ADGRD1: variants seen among roughly 807,000 people sequenced by gnomAD.
ADGRD1 encodes the protein G-protein coupled receptor 133.
A neutral mutation model predicts 113.4 loss-of-function variants in ADGRD1; 77 were observed. That is an observed-to-expected ratio of 0.68 (90% CI 0.57 to 0.82). The LOEUF is 0.82. Ranked by LOEUF, ADGRD1 falls within the 40% of genes least tolerant of loss-of-function variation. The pLI, the probability that ADGRD1 is intolerant of heterozygous loss-of-function variation, is 0.00. For synonymous variants in ADGRD1, 474 were observed against 475.0 expected (o/e 1.00, Z 0.03); for missense variants, 1,036 against 1,139.1 (o/e 0.91, Z 1.30).
At position 131,126,915 on chromosome 12, in the gene ADGRD1, AG is replaced by A. The variant is rs533463121; in HGVS notation, c.2176-4804del. Among the ~76,000 whole-genome samples, 34 of 152,226 alleles carry A rather than the reference AG, an allele frequency of 2.2e-4. 1 individual carries two copies. The highest frequency in any genetic ancestry group is 6.8e-3 in the Middle Eastern group (2 of 294). On this transcript the variant is annotated intron_variant, in intron 20 of 24. Coordinates refer to ENST00000261654, the MANE Select transcript of ADGRD1 (RefSeq NM_198827.5). ...GGATGAGGATGAGTGAAATGGAGTG[AG>A]GGGGGCCAGGCCTGATTCTGTATTA...
intron 13 of ADGRD1, among the ~76,000 whole-genome samples, chr12:131,046,207 C>A (rs1566061610): frequency 1.3e-5 from 2 of 148,258 alleles, no homozygotes; most frequent in Non-Finnish European, 3.0e-5. Flanking sequence ...AGTGCTCCCT[C>A]CCTGGTCAGT....
chr12:131,079,801 C>G (rs1450983207), intron 14 of ADGRD1, among the ~76,000 whole-genome samples: 3 of 152,090 alleles, frequency 2.0e-5, no homozygotes, highest in South Asian at 2.1e-4. Flanking sequence ...CTTTTTCATG[C>G]CTGAAGGGTC....
Position 131,104,924 on chromosome 12 carries a change from G to T in ADGRD1, c.1765G>T (p.Ala589Ser), listed in dbSNP as rs201161291. 6.5e-7 allele frequency: 1 copy of T among 1,549,732 alleles called. No homozygotes were observed. ...CCTGGTGGCCACGCTGGTCACCTTC[G>T]CCGTGCTGTCGTGAGTCCCCTTTTC... ...LCLVATLVTF[A>S]VLSSVSTIRN... Residue 589 changes from alanine to serine, a missense_variant, in exon 16 of 25, where the codon GCC becomes TCC. Coordinates refer to ENST00000261654, the MANE Select transcript of ADGRD1 (RefSeq NM_198827.5).
Position 131,014,203 on chromosome 12 carries a change from G to C in ADGRD1, c.1336G>C (p.Ala446Pro). The change falls in exon 13 of 25, where the codon GCG becomes CCG. Residue 446 changes from alanine (A) to proline (P), a missense_variant. Ala to Pro is a conservative substitution (Grantham distance 27, BLOSUM62 -1). Transcript: ENST00000261654. Reference protein sequence around the residue: ...NNIWPAHTKIAEAMHHQDCLL... With the variant: ...NNIWPAHTKIPEAMHHQDCLL... Reference sequence around the variant, plus strand: ...TGATTTCCGTCTCTTCCCAAGGATCGCGGAGGCCATGCATCACCAGGACTG... The same window carrying C: ...TGATTTCCGTCTCTTCCCAAGGATCCCGGAGGCCATGCATCACCAGGACTG... The C allele has an allele frequency of 4.3e-6, 7 of 1,613,624 alleles. No individual in the cohort carries two copies. Among genetic ancestry groups the C allele is most frequent in the Non-Finnish European group, 5.1e-6 (6 of 1,179,782 alleles).
chr12:131,105,823 C>T lies in ADGRD1; in HGVS notation c.1845C>T (p.Ala615=). ...HANLSFAVLV[A]QVLLLISFRL... Reference sequence around the variant, plus strand: ...ACCTGTCCTTCGCCGTGCTGGTGGCCCAGGTCCTGCTGCTCATTAGTTTCC... The same window carrying T: ...ACCTGTCCTTCGCCGTGCTGGTGGCTCAGGTCCTGCTGCTCATTAGTTTCC... The change falls in exon 17 of 25, where the codon GCC becomes GCT. Residue 615 remains alanine, a synonymous_variant. Coordinates refer to ENST00000261654, the MANE Select transcript of ADGRD1 (RefSeq NM_198827.5). The T allele has an allele frequency of 6.2e-7, 1 of 1,600,746 alleles. No homozygotes were observed.
intron 20 of ADGRD1, among the ~76,000 whole-genome samples, chr12:131,122,868 G>A (rs886964054): frequency 6.6e-6 from 1 of 152,042 alleles, no homozygotes; most frequent in African/African-American, 2.4e-5. Context: ...CGAGCGCCAG[G>A]AACCCAGCAC....
At chr12:130,978,660 G>A (rs1427355051) in intron 4 of ADGRD1, 3 of 150,764 alleles carry the variant, frequency 2.0e-5, no homozygotes, top group East Asian at 2.0e-4. Flanking sequence ...CTTGGTTACC[G>A]GCACCATGGA....
chr12:131,136,835 C>T (rs550841982), intron 22 of ADGRD1, 138 bp from the exon 23 acceptor site: 2 of 760,084 alleles, frequency 2.6e-6, no homozygotes, highest in Admixed American at 1.9e-5. Flanking sequence ...TCTCCGTCCT[C>T]ACGGGCCCCA....
chr12:130,995,259 C>G (rs1023444587), intron 8 of ADGRD1, among the ~76,000 whole-genome samples: 1 of 152,094 alleles, frequency 6.6e-6, no homozygotes, highest in African/African-American at 2.4e-5. Flanking sequence ...CTGCCCTCTG[C>G]GGAGCCCAGG....
At chr12:131,101,787 CCTTA>C (rs957814420) in intron 15 of ADGRD1, among the ~76,000 whole-genome samples, 1 of 152,154 alleles carries the variant, frequency 6.6e-6, no homozygotes, top group Non-Finnish European at 1.5e-5. Context: ...TGTAACTGAC[CCTTA>C]CTTCCATCTC....
chr12:131,060,866 G>T lies in ADGRD1; in HGVS notation c.1474-15935G>T, dbSNP rs1469350647. On this transcript the variant is annotated intron_variant, in intron 13 of 24. Coordinates refer to ENST00000261654, the MANE Select transcript of ADGRD1 (RefSeq NM_198827.5). The surrounding 1 kb of genome is among the most constrained non-coding windows in gnomAD (Gnocchi z 4.4). The stretch of plus-strand genomic sequence containing the variant: ...CTTGACCCTTGGGCCAAGCTCATGG[G>T]CTGTGGTAATTCTGGCCTCCCAGGG... 6.6e-6 allele frequency among the ~76,000 whole-genome samples: 1 copy of T among 152,038 alleles called. No individual in the cohort carries two copies. The highest frequency in any genetic ancestry group is 6.5e-5 in the Admixed American group (1 of 15,272).
At chr12:131,055,834 C>T (rs1883822036) in intron 13 of ADGRD1, among the ~76,000 whole-genome samples, 1 of 152,164 alleles carries the variant, frequency 6.6e-6, no homozygotes, top group Non-Finnish European at 1.5e-5. Context: ...TCAGATTCCC[C>T]CATTCTTTTC....
At chr12:131,054,754 G>A (rs528234595) in intron 13 of ADGRD1, among the ~76,000 whole-genome samples, 7 of 152,286 alleles carry the variant, frequency 4.6e-5, no homozygotes, top group East Asian at 3.9e-4. Flanking sequence ...GGTCTCTGCC[G>A]GGTCTTGCCT....
chr12:130,957,844 C>T (rs879485419), intron 2 of ADGRD1: 1 of 152,314 alleles, frequency 6.6e-6, no homozygotes, highest in Non-Finnish European at 1.5e-5. Context: ...CTTGAAACCG[C>T]AAGGTTTCTC....
chr12:131,106,012 C>G, intron 17 of ADGRD1, 147 bp downstream of exon 17: 1 of 657,868 alleles, frequency 1.5e-6, no homozygotes, highest in Non-Finnish European at 2.7e-6. Context: ...TCGGGGGAAG[C>G]AGAGATCGTG....
In ADGRD1 at chr12:131,097,703, G is replaced by A. The variant is rs555485603; in HGVS notation, c.1672-7128G>A. Among the ~76,000 whole-genome samples the A allele has an allele frequency of 1.2e-3, 185 of 152,322 alleles. 1 individual carries two copies. The highest frequency in any genetic ancestry group is 4.3e-3 in the African/African-American group (178 of 41,572). On this transcript the variant is annotated intron_variant, in intron 15 of 24. Coordinates refer to ENST00000261654, the MANE Select transcript of ADGRD1 (RefSeq NM_198827.5). The stretch of plus-strand genomic sequence containing the variant: ...TGCCCTGAGGGGAGACAGGCCCCGT[G>A]AGAGCCTGGATGCCAGCCGCGGAGA...
At chr12:131,010,399 C>T (rs1321372260) in intron 12 of ADGRD1, among the ~76,000 whole-genome samples, 1 of 152,226 alleles carries the variant, frequency 6.6e-6, no homozygotes, top group African/African-American at 2.4e-5. Flanking sequence ...TGTTCACTCC[C>T]CAATGTGACA....
intron 18 of ADGRD1, among the ~76,000 whole-genome samples, chr12:131,115,063 G>C (rs1188523387): frequency 6.6e-6 from 1 of 152,178 alleles, no homozygotes; most frequent in Non-Finnish European, 1.5e-5. Context: ...TCATTCCAGA[G>C]AGATTGCGTA....
At position 131,057,489 on chromosome 12, in the gene ADGRD1, G is replaced by A. The variant is rs111683404; in HGVS notation, c.1474-19312G>A. Among the ~76,000 whole-genome samples the A allele has an allele frequency of 0.022, 3,424 of 152,232 alleles. 153 individuals carry two copies. Among genetic ancestry groups the A allele is most frequent in the Admixed American group, 0.11 (1,687 of 15,286 alleles). On this transcript the variant is annotated intron_variant, in intron 13 of 24. Transcript: ENST00000261654. This position sits in a 1 kb window ranked among gnomAD's most constrained non-coding sequence, Gnocchi z 4.2. ...GAGTCCACGAGTCTGAGACAAAGGC[G>A]TTGGCAGAGCTAGTTCGTTCTGGAG...
Sources: gnomAD v4.1 joint callset for allele counts (sites outside exome capture counted in the v4.1 genomes callset) on GRCh38, gnomAD v4.1.1 for gene constraint, Gnocchi (gnomAD v3.1) non-coding constraint, MANE v1.5 for transcripts, NCBI Gene and HGNC (gene_info 2026-07-23, HGNC 2026-07-21) for gene names.